Variants in BCAS3 observed in about 807,000 individuals in gnomAD.
The protein encoded by BCAS3 is BCAS3 microtubule associated cell migration factor.
A neutral mutation model predicts 116.1 loss-of-function variants in BCAS3; 53 were observed. That is an observed-to-expected ratio of 0.46 (90% CI 0.37 to 0.57). The LOEUF (loss-of-function observed/expected upper bound fraction) is 0.57, where lower values mean the gene tolerates loss of function less well. Among genes scored for constraint, BCAS3 ranks in the 20% least tolerant of loss-of-function variants. The probability of loss-of-function intolerance (pLI) is 0.00; values close to 1 mark genes in which losing one functional copy is unlikely to be tolerated. For missense variants in BCAS3, 917 were observed against 1,165.4 expected (o/e 0.79, Z 3.10); for synonymous variants, 391 against 408.2 (o/e 0.96, Z 0.51).
chr17:60,918,552 A>G (rs556881226), intron 12 of BCAS3, among the ~76,000 whole-genome samples: 2 of 152,180 alleles, frequency 1.3e-5, no homozygotes, highest in Non-Finnish European at 2.9e-5. Context: ...CTGAGTGTAC[A>G]TTTGTACCCA....
intron 14 of BCAS3, among the ~76,000 whole-genome samples, chr17:60,981,457 A>T (rs2062810570): frequency 6.6e-6 from 1 of 151,728 alleles, no homozygotes; most frequent in Admixed American, 6.6e-5. Flanking sequence ...TAATTTTTGT[A>T]TTTTTAGTAG....
intron 13 of BCAS3, 106 bp from the exon 14 acceptor site, chr17:60,947,112 AT>A: frequency 7.8e-6 from 9 of 1,155,868 alleles, no homozygotes; most frequent in Admixed American, 4.6e-5. Context: ...AGCCTTGGTA[AT>A]TTTTTTCCCA....
chr17:61,249,963 G>A lies in BCAS3; in HGVS notation c.2426-118364G>A, dbSNP rs1179294369. On this transcript the variant is annotated intron_variant, in intron 22 of 23. Transcript: ENST00000407086. The surrounding 1 kb of genome is among the most constrained non-coding windows in gnomAD (Gnocchi z 6.2). Reference sequence around the variant, plus strand: ...GTTTACAAATCAGAAATTGAATGAGGCAGGCTTAAAGAGGATCAGAAAACA... The same window carrying A: ...GTTTACAAATCAGAAATTGAATGAGACAGGCTTAAAGAGGATCAGAAAACA... Among the ~76,000 whole-genome samples, 2 of 151,740 alleles carry A rather than the reference G, an allele frequency of 1.3e-5. No individual in the cohort carries two copies. Among genetic ancestry groups the A allele is most frequent in the African/African-American group, 4.9e-5 (2 of 41,068 alleles).
At chr17:60,989,476 G>GT (rs1170549154) in intron 14 of BCAS3, among the ~76,000 whole-genome samples, 1 of 144,424 alleles carries the variant, frequency 6.9e-6, no homozygotes, top group East Asian at 2.0e-4. Flanking sequence ...TGTAAATAAA[G>GT]TTGTTTTTTT....
chr17:60,747,346 AG>A (rs2042096128), intron 6 of BCAS3, 67 bp downstream of exon 6: 3 of 1,296,400 alleles, frequency 2.3e-6, no homozygotes. Flanking sequence ...CTTGGACTAC[AG>A]GCAGCAAGAA....
At position 61,239,390 on chromosome 17, in the gene BCAS3, G is replaced by GT. The variant is rs1337566758; in HGVS notation, c.2426-128931dup. On this transcript the variant is annotated intron_variant, in intron 22 of 23. Transcript: ENST00000407086. This position sits in a 1 kb window ranked among gnomAD's most constrained non-coding sequence, Gnocchi z 4.2. Reference sequence around the variant, plus strand: ...CAGATTTTCAGCTTTTTGTTTTGGGGTTTTTTGTTTTGTTTTTAATTCAAT... The same window carrying GT: ...CAGATTTTCAGCTTTTTGTTTTGGGGTTTTTTTGTTTTGTTTTTAATTCAAT... Among the ~76,000 whole-genome samples the GT allele has an allele frequency of 6.6e-6, 1 of 152,156 alleles. No homozygotes were observed. The highest frequency in any genetic ancestry group is 1.5e-5 in the Non-Finnish European group (1 of 68,028).
At position 61,278,031 on chromosome 17, in the gene BCAS3, T is replaced by C. The variant is rs114367819; in HGVS notation, c.2426-90296T>C. ...AAAACATACCCACACAAAAAATGGT[T>C]TGTTTTGTTTTGTTTTGTTTTGTTT... On this transcript the variant is annotated intron_variant, in intron 22 of 23. Transcript: ENST00000407086. This position sits in a 1 kb window ranked among gnomAD's most constrained non-coding sequence, Gnocchi z 5.8. Among the ~76,000 whole-genome samples the C allele has an allele frequency of 0.019, 2,880 of 150,968 alleles. 84 individuals are homozygous for C. The highest frequency in any genetic ancestry group is 0.066 in the African/African-American group (2,672 of 40,526).
At chr17:60,927,112 A>ATT (rs1316361455) in intron 13 of BCAS3, among the ~76,000 whole-genome samples, 27 of 152,186 alleles carry the variant, frequency 1.8e-4, no homozygotes, top group Admixed American at 1.3e-4. Context: ...AACTTAGTGA[A>ATT]TTATTTTGAA....
chr17:60,724,432 A>G (rs2144115914), intron 5 of BCAS3, among the ~76,000 whole-genome samples: 1 of 150,904 alleles, frequency 6.6e-6, no homozygotes, highest in Non-Finnish European at 1.5e-5. Context: ...AAAAAAAAAA[A>G]AAAAAAAAAA....
chr17:60,811,492 G>T, intron 7 of BCAS3: 2 of 466,898 alleles, frequency 4.3e-6, no homozygotes, highest in Non-Finnish European at 8.0e-6. Context: ...CCTTTGGGGA[G>T]CCAGGAGGCC....
Position 61,074,932 on chromosome 17 carries a change from G to T in BCAS3, c.2042G>T (p.Gly681Val). ...QFLLAGLVPP[G>V]SPGPITRHGS... is the part of the protein sequence containing the mutation. ...CTTTCTCCTATAGTGGTTCCCCCTG[G>T]AAGTCCTGGGCCCATTACTCGACAT... Residue 681 changes from glycine (G) to valine (V), a missense_variant, in exon 20 of 24, where the codon GGA becomes GTA. Coordinates refer to ENST00000407086, the MANE Select transcript of BCAS3 (RefSeq NM_017679.5). The T allele has an allele frequency of 1.9e-6, 3 of 1,611,148 alleles. No individual in the cohort carries two copies. Among genetic ancestry groups the T allele is most frequent in the Non-Finnish European group, 2.5e-6 (3 of 1,177,972 alleles).
chr17:60,694,164 G>C lies in BCAS3; in HGVS notation c.214+4403G>C, dbSNP rs890094811. Among the ~76,000 whole-genome samples the C allele has an allele frequency of 2.1e-4, 31 of 150,586 alleles. No homozygotes were observed. The South Asian group carries it at 2.1e-3, about 10-fold the overall frequency. On this transcript the variant is annotated intron_variant, in intron 4 of 23. Coordinates refer to ENST00000407086, the MANE Select transcript of BCAS3 (RefSeq NM_017679.5). ...GCCTTCCAAAGTGCTGGGATTACAGGCGTGAGCCACCGCGCCCGGCCAAAC... is the reference window on the plus strand; with the variant it reads ...GCCTTCCAAAGTGCTGGGATTACAGCCGTGAGCCACCGCGCCCGGCCAAAC...
rs1386308923 is a variant in BCAS3, at chr17:61,034,419, T to C, written c.1638-247T>C. 6.6e-6 allele frequency among the ~76,000 whole-genome samples: 1 copy of C among 152,320 alleles called. No homozygotes were observed. The highest frequency in any genetic ancestry group is 1.9e-4 in the East Asian group (1 of 5,180). Reference sequence around the variant, plus strand: ...TGACTTGGATTTTGCCAGCACATACTTCAAAAAGGAGTTGATTTTTATTGG... The same window carrying C: ...TGACTTGGATTTTGCCAGCACATACCTCAAAAAGGAGTTGATTTTTATTGG... On this transcript the variant is annotated intron_variant, in intron 16 of 23. Transcript: ENST00000407086. This position sits in a 1 kb window ranked among gnomAD's most constrained non-coding sequence, Gnocchi z 5.0.
At position 60,786,892 on chromosome 17, in the gene BCAS3, C is replaced by A. The variant is rs1256108153; in HGVS notation, c.404-21112C>A. ...TTAACATTTGGAGTGAATTGGATTA[C>A]TTTTTATTCTAATGTGTGTGTTTTC... On this transcript the variant is annotated intron_variant, in intron 6 of 23. Coordinates refer to ENST00000407086, the MANE Select transcript of BCAS3 (RefSeq NM_017679.5). Among the ~76,000 whole-genome samples, 3 of 152,212 alleles carry A rather than the reference C, an allele frequency of 2.0e-5. No individual in the cohort carries two copies. In the South Asian group the frequency reaches 6.2e-4, roughly 32 times the overall value.
At chr17:60,915,161 G>T (rs1278385243) in intron 12 of BCAS3, among the ~76,000 whole-genome samples, 1 of 152,062 alleles carries the variant, frequency 6.6e-6, no homozygotes, top group Non-Finnish European at 1.5e-5. Context: ...AGTTGCACAT[G>T]CCTTTCATCT....
At chr17:61,287,243 T>TAA (rs199604062) in intron 22 of BCAS3, among the ~76,000 whole-genome samples, 2 of 136,246 alleles carry the variant, frequency 1.5e-5, no homozygotes, top group South Asian at 2.4e-4. Context: ...GCCAGACTCT[T>TAA]AAAAAAAAAA....
intron 22 of BCAS3, among the ~76,000 whole-genome samples, chr17:61,290,147 A>C (rs2052243505): frequency 1.3e-5 from 2 of 152,204 alleles, no homozygotes; most frequent in Admixed American, 1.3e-4. Context: ...GTTCCTTTGG[A>C]GGCCGAAACT....
chr17:61,254,364 G>A (rs1040697986), intron 22 of BCAS3, among the ~76,000 whole-genome samples: 3 of 152,060 alleles, frequency 2.0e-5, no homozygotes, highest in Admixed American at 6.5e-5. Flanking sequence ...TGATTTAGAA[G>A]GTAAAATTAC....
In BCAS3 at chr17:60,962,218, A is replaced by T. The variant is rs886586591; in HGVS notation, c.1221+14866A>T. Among the ~76,000 whole-genome samples the T allele has an allele frequency of 3.9e-5, 6 of 152,148 alleles. No individual in the cohort carries two copies. Among genetic ancestry groups the T allele is most frequent in the African/African-American group, 1.4e-4 (6 of 41,430 alleles). On this transcript the variant is annotated intron_variant, in intron 14 of 23. Transcript: ENST00000407086. This position sits in a 1 kb window ranked among gnomAD's most constrained non-coding sequence, Gnocchi z 4.4. ...ATATACCTGGTAGCAGAATTGCTGGATCATATGGTAATTCTGTTTTTAGTT... is the reference window on the plus strand; with the variant it reads ...ATATACCTGGTAGCAGAATTGCTGGTTCATATGGTAATTCTGTTTTTAGTT...
Sources: allele counts gnomAD v4.1 joint callset (sites outside exome capture counted in the v4.1 genomes callset), GRCh38; gene constraint gnomAD v4.1.1; non-coding constraint Gnocchi (gnomAD v3.1); transcripts MANE v1.5; gene names NCBI Gene and HGNC (gene_info 2026-07-23, HGNC 2026-07-21).